Variants in RYR3 observed in about 807,000 individuals in gnomAD.
RYR3 encodes ryanodine receptor 3.
In RYR3, 207 loss-of-function variants were observed where a neutral mutation model predicts 584.3. That is an observed-to-expected ratio of 0.35 (90% confidence interval 0.32 to 0.40). The LOEUF is 0.40. Among genes scored for constraint, RYR3 ranks in the 10% least tolerant of loss-of-function variants. The pLI is 1.00. For missense variants in RYR3, 5,616 were observed against 6,089.2 expected, an observed-to-expected ratio of 0.92 and a Z score of 2.59; for synonymous variants, 2,416 against 2,248.5, an observed-to-expected ratio of 1.07 and a Z score of -2.11.
chr15:33,794,026 A>AAATATATATTATATAT (rs1567183509), intron 67 of RYR3, among the ~76,000 whole-genome samples: 1 of 119,586 alleles, frequency 8.4e-6, no homozygotes, highest in Admixed American at 9.7e-5. Flanking sequence ...TATTATATAT[A>AAATATATATTATATAT]AATATATACA....
intron 16 of RYR3, among the ~76,000 whole-genome samples, chr15:33,590,569 A>C (rs1315031255): frequency 6.6e-6 from 1 of 151,020 alleles, no homozygotes; most frequent in Non-Finnish European, 1.5e-5. Flanking sequence ...TGTCATCTGC[A>C]ATTTCTTTCA....
chr15:33,451,014 G>T (rs373186548), intron 1 of RYR3, among the ~76,000 whole-genome samples: 1 of 152,184 alleles, frequency 6.6e-6, no homozygotes, highest in Non-Finnish European at 1.5e-5. Context: ...ACAACCCAAT[G>T]TTGTTAGAGG....
At chr15:33,628,713 C>T (rs983835660) in intron 21 of RYR3, 138 bp downstream of exon 21, 2 of 591,472 alleles carry the variant, frequency 3.4e-6, no homozygotes, top group Non-Finnish European at 6.1e-6. Flanking sequence ...ACAGACAGAA[C>T]CAGAAGTGTC....
chr15:33,799,222 C>A (rs757305258), intron 67 of RYR3, among the ~76,000 whole-genome samples: 1 of 152,056 alleles, frequency 6.6e-6, no homozygotes, highest in East Asian at 1.9e-4. Flanking sequence ...CATAATAAGC[C>A]CCTTTCAACC....
At chr15:33,751,579 GT>G (rs200252156) in intron 57 of RYR3, among the ~76,000 whole-genome samples, 44,853 of 147,746 alleles carry the variant, frequency 0.3, 7,874 homozygotes, top group African/African-American at 0.51. Context: ...TTTTGATGAG[GT>G]TTTTTTTTTT....
At chr15:33,445,525 G>A (rs1426041632) in intron 1 of RYR3, among the ~76,000 whole-genome samples, 1 of 149,678 alleles carries the variant, frequency 6.7e-6, no homozygotes, top group African/African-American at 2.4e-5. Flanking sequence ...GAGACATGGT[G>A]TAGACCTTAG....
rs913150641 is a variant in RYR3, at chr15:33,567,015, T to C, written c.1268+216T>C. 2.0e-5 allele frequency among the ~76,000 whole-genome samples: 3 copies of C among 152,202 alleles called. 1 individual carries two copies. Among genetic ancestry groups the C allele is most frequent in the African/African-American group, 7.2e-5 (3 of 41,456 alleles). On this transcript the variant is annotated intron_variant, in intron 12 of 103. Coordinates refer to ENST00000634891, the MANE Select transcript of RYR3 (RefSeq NM_001036.6). ...TGTTCAACAGATGCCCAAGCCCCAT[T>C]AGTTACTCAGATTGGAGTGATGAAT...
At chr15:33,783,481 C>G (rs2074507699) in intron 65 of RYR3, among the ~76,000 whole-genome samples, 1 of 152,162 alleles carries the variant, frequency 6.6e-6, no homozygotes, top group Non-Finnish European at 1.5e-5. Context: ...CACTCAAGGG[C>G]CAATTACGTA....
intron 38 of RYR3, among the ~76,000 whole-genome samples, chr15:33,687,487 C>T (rs1192823452): frequency 1.3e-5 from 2 of 152,178 alleles, no homozygotes; most frequent in Non-Finnish European, 2.9e-5. Context: ...GGCCATACTG[C>T]CCAAGGTAAT....
intron 2 of RYR3, among the ~76,000 whole-genome samples, chr15:33,488,449 C>CTTTTTTTTT (rs72098093): frequency 7.1e-5 from 9 of 127,498 alleles, no homozygotes; most frequent in Non-Finnish European, 6.6e-5. Flanking sequence ...ACAGTCTTGC[C>CTTTTTTTTT]TTTTTTTTTT....
chr15:33,689,928 G>A (rs1161005183), intron 38 of RYR3, among the ~76,000 whole-genome samples: 1 of 152,122 alleles, frequency 6.6e-6, no homozygotes, highest in Non-Finnish European at 1.5e-5. Flanking sequence ...TTAACCTTGG[G>A]CATGTAACAG....
chr15:33,431,396 CAT>C (rs2045131456), intron 1 of RYR3, among the ~76,000 whole-genome samples: 1 of 152,136 alleles, frequency 6.6e-6, no homozygotes, highest in Non-Finnish European at 1.5e-5. Flanking sequence ...TATGTACAAT[CAT>C]ACATATAAGT....
At chr15:33,578,572 A>G (rs2058419716) in intron 12 of RYR3, among the ~76,000 whole-genome samples, 1 of 152,106 alleles carries the variant, frequency 6.6e-6, no homozygotes, top group African/African-American at 2.4e-5. Flanking sequence ...ACACATGGAC[A>G]CAGGGAGGGG....
chr15:33,628,716 G>GA (rs2061123033), intron 21 of RYR3, 141 bp downstream of exon 21: 2 of 587,642 alleles, frequency 3.4e-6, no homozygotes, highest in Non-Finnish European at 6.1e-6. Flanking sequence ...GACAGAACCA[G>GA]AAGTGTCTCC....
intron 103 of RYR3, 76 bp from the exon 104 acceptor site, chr15:33,865,055 C>G: frequency 1.7e-6 from 2 of 1,158,364 alleles, no homozygotes; most frequent in Middle Eastern, 4.2e-4. Flanking sequence ...AAGGGAGCCA[C>G]AAAGAACAAA....
At chr15:33,744,632 G>A (rs2070496153) in intron 52 of RYR3, among the ~76,000 whole-genome samples, 1 of 152,188 alleles carries the variant, frequency 6.6e-6, no homozygotes, top group African/African-American at 2.4e-5. Flanking sequence ...GACATCTACA[G>A]CATTTGCTAA....
intron 38 of RYR3, among the ~76,000 whole-genome samples, chr15:33,680,918 C>T (rs531247077): frequency 1.3e-5 from 2 of 152,138 alleles, no homozygotes; most frequent in Non-Finnish European, 2.9e-5. Flanking sequence ...AGAGGGAGAA[C>T]AGGGCAAAAA....
intron 1 of RYR3, among the ~76,000 whole-genome samples, chr15:33,432,901 AAAAATC>A (rs1042303193): frequency 6.6e-6 from 1 of 152,142 alleles, no homozygotes; most frequent in African/African-American, 2.4e-5. Flanking sequence ...GTCAGGATAG[AAAAATC>A]AATACAATCC....
At chr15:33,803,378 G>A (rs1567203291) in intron 69 of RYR3, among the ~76,000 whole-genome samples, 1 of 152,200 alleles carries the variant, frequency 6.6e-6, no homozygotes, top group African/African-American at 2.4e-5. Flanking sequence ...ACGAGGTTGA[G>A]TTTTTTCAAA....
Sources: allele counts gnomAD v4.1 joint callset (sites outside exome capture counted in the v4.1 genomes callset), GRCh38; gene constraint gnomAD v4.1.1; transcripts MANE v1.5; gene names NCBI Gene and HGNC (gene_info 2026-07-23, HGNC 2026-07-21).